Variants in PDSS2 observed in about 807,000 individuals in gnomAD.
PDSS2 encodes the protein decaprenyl diphosphate synthase subunit 2.
Under a neutral mutation model 44.5 loss-of-function variants are expected in PDSS2, and 31 were observed. That is an observed-to-expected ratio of 0.70 (90% CI 0.52 to 0.94). The LOEUF (loss-of-function observed/expected upper bound fraction) is 0.94, where lower values mean the gene tolerates loss of function less well. PDSS2 is among the 40% of genes least tolerant of loss of function. The pLI is 0.00. For synonymous variants in PDSS2, 157 were observed against 180.3 expected (o/e 0.87, Z 1.03); for missense variants, 452 against 482.2 (o/e 0.94, Z 0.59).
At chr6:107,425,743 C>T (rs367759092) in intron 1 of PDSS2, among the ~76,000 whole-genome samples, 33 of 152,200 alleles carry the variant, frequency 2.2e-4, no homozygotes, top group African/African-American at 6.5e-4. Context: ...GGGTGGATCA[C>T]GAGGTCAGGA....
intron 1 of PDSS2, among the ~76,000 whole-genome samples, chr6:107,430,749 C>A (rs766595985): frequency 6.6e-6 from 1 of 151,432 alleles, no homozygotes; most frequent in African/African-American, 2.4e-5. Context: ...GCGGAGGTTG[C>A]GGTGAGCCAA....
chr6:107,156,868 T>A lies in PDSS2; in HGVS notation c.1042-2091A>T, dbSNP rs114357203. Among the ~76,000 whole-genome samples the A allele has an allele frequency of 3.5e-3, 540 of 152,284 alleles. 4 individuals carry two copies. Among genetic ancestry groups the A allele is most frequent in the African/African-American group, 0.011 (472 of 41,550 alleles). ...GACTGATAACAATGAATCCCAGTCT[T>A]TCTATCTCTTCAGAGCTCTCAAGTT... On this transcript the variant is annotated intron_variant, in intron 7 of 7. Transcript: ENST00000369037.
chr6:107,429,927 T>A (rs1178125264), intron 1 of PDSS2, among the ~76,000 whole-genome samples: 1,141 of 104,082 alleles, frequency 0.011, 134 homozygotes, highest in African/African-American at 0.039. Context: ...TATATATATA[T>A]ATATATATAT....
chr6:107,162,351 G>A (rs1167073125), intron 7 of PDSS2, among the ~76,000 whole-genome samples: 6 of 151,618 alleles, frequency 4.0e-5, no homozygotes, highest in African/African-American at 4.8e-5. Context: ...AAATTAGCCC[G>A]GTATGGTGGC....
intron 1 of PDSS2, among the ~76,000 whole-genome samples, chr6:107,372,800 G>A (rs764819642): frequency 2.0e-5 from 3 of 151,884 alleles, no homozygotes; most frequent in Non-Finnish European, 2.9e-5. Flanking sequence ...ATATTAGAGA[G>A]TTTAAAAATG....
intron 2 of PDSS2, among the ~76,000 whole-genome samples, chr6:107,274,769 C>T (rs1775723194): frequency 6.7e-6 from 1 of 149,928 alleles, no homozygotes; most frequent in African/African-American, 2.5e-5. Context: ...ACCTCCCAGG[C>T]TCAAATAATC....
chr6:107,182,127 G>C (rs1772005611), intron 7 of PDSS2, among the ~76,000 whole-genome samples: 1 of 152,048 alleles, frequency 6.6e-6, no homozygotes, highest in Non-Finnish European at 1.5e-5. Context: ...GATAATCAAA[G>C]CAAGATGATA....
intron 2 of PDSS2, among the ~76,000 whole-genome samples, chr6:107,278,599 A>C (rs1335176098): frequency 1.3e-5 from 2 of 152,222 alleles, no homozygotes; most frequent in Non-Finnish European, 1.5e-5. Flanking sequence ...GAAAGTAATA[A>C]CCAGGTAAGC....
intron 4 of PDSS2, among the ~76,000 whole-genome samples, chr6:107,226,265 T>C (rs1773816973): frequency 6.6e-6 from 1 of 152,160 alleles, no homozygotes; most frequent in African/African-American, 2.4e-5. Flanking sequence ...TGAGCCGAGA[T>C]TGCGCCACTG....
intron 3 of PDSS2, among the ~76,000 whole-genome samples, chr6:107,273,355 C>T (rs1775669947): frequency 6.6e-6 from 1 of 151,796 alleles, no homozygotes; most frequent in Non-Finnish European, 1.5e-5. Flanking sequence ...AAATGTTTAA[C>T]CCTTTGAACC....
At chr6:107,404,304 A>C (rs1038198837) in intron 1 of PDSS2, among the ~76,000 whole-genome samples, 20 of 152,178 alleles carry the variant, frequency 1.3e-4, no homozygotes, top group African/African-American at 3.9e-4. Context: ...AAGTTCCAAA[A>C]TTTCCCACAA....
At chr6:107,385,440 G>A (rs1338342343) in intron 1 of PDSS2, among the ~76,000 whole-genome samples, 2 of 152,100 alleles carry the variant, frequency 1.3e-5, no homozygotes, top group African/African-American at 4.8e-5. Flanking sequence ...AGGTACGCTG[G>A]TTAATACCAA....
intron 7 of PDSS2, among the ~76,000 whole-genome samples, chr6:107,178,477 T>G (rs537560554): frequency 6.6e-6 from 1 of 152,354 alleles, no homozygotes; most frequent in East Asian, 1.9e-4. Context: ...GGTTATTATC[T>G]ATAAAACTTT....
rs200017192 is a variant in PDSS2, at chr6:107,245,532, C to T, written c.702+16G>A. The T allele has an allele frequency of 3.4e-5, 47 of 1,396,768 alleles. 1 individual carries two copies. The African/African-American group carries it at 3.9e-4, about 12-fold the overall frequency. The allele number at this position is 1,396,768 out of a possible 1,614,324, so 86.5% of individuals were successfully genotyped here. On this transcript the variant is annotated intron_variant, in intron 4 of 7. Transcript: ENST00000369037. Reference sequence around the variant, plus strand: ...CGGTTTATAACATAACATTTTATGACTCTGAAATCCTTTACCTTTGAAGTA... The same window carrying T: ...CGGTTTATAACATAACATTTTATGATTCTGAAATCCTTTACCTTTGAAGTA...
intron 1 of PDSS2, among the ~76,000 whole-genome samples, chr6:107,446,336 A>G (rs937303190): frequency 2.0e-5 from 3 of 152,178 alleles, no homozygotes; most frequent in Non-Finnish European, 4.4e-5. Flanking sequence ...AAAAAAAGAA[A>G]TAATTACAGA....
chr6:107,249,259 A>G (rs1312375789), intron 3 of PDSS2, among the ~76,000 whole-genome samples: 1 of 152,214 alleles, frequency 6.6e-6, no homozygotes, highest in Non-Finnish European at 1.5e-5. Context: ...TTACCGTGCT[A>G]TATTCAGTAC....
chr6:107,157,533 C>G (rs12194078), intron 7 of PDSS2, among the ~76,000 whole-genome samples: 26,626 of 151,954 alleles, frequency 0.18, 2,786 homozygotes, highest in Non-Finnish European at 0.24. Context: ...CTGTCTCCCC[C>G]ACCCCAACAA....
chr6:107,208,437 C>T (rs1773081606), intron 6 of PDSS2, among the ~76,000 whole-genome samples: 1 of 151,486 alleles, frequency 6.6e-6, no homozygotes, highest in African/African-American at 2.4e-5. Flanking sequence ...GCTGAGATTA[C>T]AGGCGTGCAC....
At position 107,357,597 on chromosome 6, in the gene PDSS2, GAC is replaced by G. The variant is rs139780734; in HGVS notation, c.297-23267_297-23266del. Among the ~76,000 whole-genome samples, 258 of 152,094 alleles carry G rather than the reference GAC, an allele frequency of 1.7e-3. 5 individuals are homozygous for G. In the East Asian group the frequency reaches 0.041, roughly 24 times the overall value. On this transcript the variant is annotated intron_variant, in intron 1 of 7. Transcript: ENST00000369037. Reference sequence around the variant, plus strand: ...TTTTATTCAAATGTAAACAAATAATGACACAAACATGCATCCATTTTTTAAAA... The same window carrying G: ...TTTTATTCAAATGTAAACAAATAATGACAAACATGCATCCATTTTTTAAAA...
Sources: gnomAD v4.1 joint callset for allele counts (sites outside exome capture counted in the v4.1 genomes callset) on GRCh38, gnomAD v4.1.1 for gene constraint, MANE v1.5 for transcripts, NCBI Gene and HGNC (gene_info 2026-07-23, HGNC 2026-07-21) for gene names.